The following SIN3A variants were observed in gnomAD, a reference collection of about 807,000 sequenced individuals.
SIN3A encodes paired amphipathic helix protein Sin3a.
Under a neutral mutation model 146.1 loss-of-function variants are expected in SIN3A, and 14 were observed. That is an observed-to-expected ratio of 0.10 (90% confidence interval 0.06 to 0.15). SIN3A has a LOEUF of 0.15. Among genes scored for constraint, SIN3A ranks in the 10% least tolerant of loss-of-function variants. The probability of loss-of-function intolerance (pLI) is 1.00; values close to 1 mark genes in which losing one functional copy is unlikely to be tolerated. For missense variants in SIN3A, 1,028 were observed against 1,576.0 expected (o/e 0.65, Z 5.89); for synonymous variants, 572 against 572.0 (o/e 1.00, Z 0.00).
chr15:75,447,359 A>G (rs1464324038), intron 1 of SIN3A, among the ~76,000 whole-genome samples: 1 of 152,246 alleles, frequency 6.6e-6, no homozygotes, highest in Non-Finnish European at 1.5e-5. Context: ...TGGACCACAT[A>G]TGAAAAAGAC....
chr15:75,417,533 C>T (rs1027839679), intron 3 of SIN3A, among the ~76,000 whole-genome samples: 1 of 151,988 alleles, frequency 6.6e-6, no homozygotes, highest in Non-Finnish European at 1.5e-5. Flanking sequence ...CATGTCACCA[C>T]ATCCAACTAA....
Position 75,449,986 on chromosome 15 carries a change from G to C in SIN3A, c.-34+1437C>G, listed in dbSNP as rs188549600. On this transcript the variant is annotated intron_variant, in intron 1 of 20. Transcript: ENST00000394947. The stretch of plus-strand genomic sequence containing the variant: ...GTAGAAACAGGGTTTCGCCATGTAA[G>C]CCTGGCTGGTCTCGAACTCCTGACC... Among the ~76,000 whole-genome samples the C allele has an allele frequency of 2.2e-4, 34 of 152,212 alleles. No individual in the cohort carries two copies. In the East Asian group the frequency reaches 5.4e-3, roughly 24 times the overall value.
At chr15:75,426,021 G>A (rs1252957624) in intron 2 of SIN3A, among the ~76,000 whole-genome samples, 1 of 152,140 alleles carries the variant, frequency 6.6e-6, no homozygotes, top group Admixed American at 6.5e-5. Flanking sequence ...TCAAAGATGG[G>A]CTAGTATTCT....
upstream of SIN3A, chr15:75,453,789 T>G (rs958191517): frequency 3.9e-5 from 6 of 152,370 alleles, no homozygotes; most frequent in African/African-American, 1.4e-4. Flanking sequence ...AAGGCAGATC[T>G]CAAACCCAGC....
At chr15:75,402,796 G>A (rs987507803) in intron 9 of SIN3A, among the ~76,000 whole-genome samples, 5 of 151,892 alleles carry the variant, frequency 3.3e-5, no homozygotes, top group Admixed American at 6.6e-5. Context: ...TACTACACCC[G>A]GATAATTTTT....
intron 1 of SIN3A, 144 bp from the exon 2 acceptor site, chr15:75,430,552 C>T (rs2141572508): frequency 1.8e-6 from 1 of 549,626 alleles, no homozygotes; most frequent in East Asian, 3.2e-5. Flanking sequence ...AGTTTAAGTG[C>T]ATGTGGGCAT....
intron 1 of SIN3A, among the ~76,000 whole-genome samples, chr15:75,443,436 C>G (rs1050336887): frequency 6.6e-6 from 1 of 152,134 alleles, no homozygotes; most frequent in Non-Finnish European, 1.5e-5. Flanking sequence ...ATGCTGTAGG[C>G]TGGGCATGCT....
At chr15:75,413,131 G>C in intron 4 of SIN3A, 86 bp from the exon 5 acceptor site, 1 of 1,365,218 alleles carries the variant, frequency 7.3e-7, no homozygotes, top group Non-Finnish European at 9.9e-7. Context: ...TTTTTCTTTT[G>C]AGACGGAGTC....
intron 14 of SIN3A, among the ~76,000 whole-genome samples, chr15:75,393,861 G>A (rs911464030): frequency 1.3e-5 from 2 of 152,132 alleles, no homozygotes; most frequent in Non-Finnish European, 2.9e-5. Flanking sequence ...AGACTGGAGT[G>A]CAGTGGCATG....
chr15:75,454,188 T>C (rs1447919740), upstream of SIN3A, among the ~76,000 whole-genome samples: 1 of 151,220 alleles, frequency 6.6e-6, no homozygotes, highest in East Asian at 2.0e-4. Flanking sequence ...CAACTTAAAC[T>C]CCAGCCCGGC....
At position 75,431,399 on chromosome 15, in the gene SIN3A, ACAGTAATCTACTTGGCC is replaced by A. The variant is rs962049489; in HGVS notation, c.-33-1008_-33-992del. On this transcript the variant is annotated intron_variant, in intron 1 of 20. Transcript: ENST00000394947. Reference sequence around the variant, plus strand: ...GGAGACAATTTCATTCCTGCAGGACACAGTAATCTACTTGGCCCAGTAATCTACTTGGGTCTTCAGAG... The same window carrying A: ...GGAGACAATTTCATTCCTGCAGGACACAGTAATCTACTTGGGTCTTCAGAG... Among the ~76,000 whole-genome samples the A allele has an allele frequency of 2.0e-4, 31 of 152,312 alleles. 1 individual carries two copies. The highest frequency in any genetic ancestry group is 3.4e-4 in the Non-Finnish European group (23 of 68,024).
chr15:75,453,478 A>G (rs2074440861), upstream of SIN3A: 1 of 152,306 alleles, frequency 6.6e-6, no homozygotes, highest in Non-Finnish European at 1.5e-5. Flanking sequence ...TGAGTACCAC[A>G]GGGCATTCCC....
chr15:75,454,137 C>T (rs1451838958), upstream of SIN3A, among the ~76,000 whole-genome samples: 1 of 150,402 alleles, frequency 6.6e-6, no homozygotes, highest in African/African-American at 2.5e-5. Flanking sequence ...ACGTCATCCG[C>T]AAGAACCGTC....
intron 1 of SIN3A, among the ~76,000 whole-genome samples, chr15:75,441,434 T>C (rs1256214915): frequency 6.6e-6 from 1 of 152,128 alleles, no homozygotes; most frequent in Non-Finnish European, 1.5e-5. Flanking sequence ...GCTTCCTAAG[T>C]AGCTGGGACT....
chr15:75,411,453 G>A, intron 6 of SIN3A, 39 bp downstream of exon 6: 3 of 1,582,454 alleles, frequency 1.9e-6, no homozygotes, highest in Non-Finnish European at 2.6e-6. Flanking sequence ...GCCCTAAGAG[G>A]GTGACCTGGT....
At chr15:75,382,803 C>T (rs1293240633) in intron 17 of SIN3A, among the ~76,000 whole-genome samples, 1 of 151,740 alleles carries the variant, frequency 6.6e-6, no homozygotes, top group Non-Finnish European at 1.5e-5. Flanking sequence ...AAAAATTAGA[C>T]CGGGTGCAGT....
At chr15:75,448,992 T>C (rs775721270) in intron 1 of SIN3A, among the ~76,000 whole-genome samples, 1 of 152,258 alleles carries the variant, frequency 6.6e-6, no homozygotes, top group Non-Finnish European at 1.5e-5. Flanking sequence ...AATAATTATC[T>C]GGAGATTATG....
chr15:75,383,396 C>T (rs1226827862), intron 17 of SIN3A, among the ~76,000 whole-genome samples: 1 of 151,848 alleles, frequency 6.6e-6, no homozygotes, highest in Non-Finnish European at 1.5e-5. Context: ...GGAAAGAATT[C>T]TAAGGTGACT....
chr15:75,439,989 A>G lies in SIN3A; in HGVS notation c.-33-9581T>C, dbSNP rs1369674932. 3.3e-5 allele frequency among the ~76,000 whole-genome samples: 5 copies of G among 151,434 alleles called. No homozygotes were observed. The East Asian group carries it at 1.0e-3, about 31-fold the overall frequency. On this transcript the variant is annotated intron_variant, in intron 1 of 20. Coordinates refer to ENST00000394947, the MANE Select transcript of SIN3A (RefSeq NM_001145358.2). The stretch of plus-strand genomic sequence containing the variant: ...AACATGGTGAAACCCCGTCTCTACT[A>G]AAAACACAAAAATTAGCTGGGCGTG...
Sources: allele counts gnomAD v4.1 joint callset (sites outside exome capture counted in the v4.1 genomes callset), GRCh38; gene constraint gnomAD v4.1.1; transcripts MANE v1.5; gene names NCBI Gene and HGNC (gene_info 2026-07-23, HGNC 2026-07-21).